The following TAF4B variants were observed in gnomAD, a reference collection of about 807,000 sequenced individuals.
The protein encoded by TAF4B is transcription initiation factor TFIID subunit 4B.
TAF4B carries 38 observed loss-of-function variants against 86.4 expected under a neutral mutation model. The observed-to-expected ratio is 0.44, with a 90% CI of 0.34 to 0.58. TAF4B has a LOEUF of 0.58. Ranked by LOEUF, TAF4B falls within the 20% of genes least tolerant of loss-of-function variation. TAF4B has a pLI of 0.02. For missense variants in TAF4B, 988 were observed against 1,027.6 expected (o/e 0.96, Z 0.53); for synonymous variants, 388 against 391.2 (o/e 0.99, Z 0.10).
rs1362298002 is a variant in TAF4B at position 26,247,903 on chromosome 18, G to A, written c.344-17267G>A. Among the ~76,000 whole-genome samples, 15 of 150,018 alleles carry A rather than the reference G, an allele frequency of 1.0e-4. 1 individual carries two copies. The Admixed American group carries it at 1.0e-3, about 10-fold the overall frequency. On this transcript the variant is annotated intron_variant, in intron 1 of 14. Coordinates refer to ENST00000269142, the MANE Select transcript of TAF4B (RefSeq NM_005640.3). ...AAAAAAGTAAAAAAAATTGAGACAG[G>A]GTCTTGCTGTCACCCAGGCTGGAAT...
intron 1 of TAF4B, among the ~76,000 whole-genome samples, chr18:26,254,483 G>A (rs2056053114): frequency 6.6e-6 from 1 of 152,086 alleles, no homozygotes; most frequent in African/African-American, 2.4e-5. Flanking sequence ...ATCCGGAGCT[G>A]GAACTGAATT....
At chr18:26,284,602 G>A (rs2056487905) in intron 6 of TAF4B, among the ~76,000 whole-genome samples, 2 of 152,300 alleles carry the variant, frequency 1.3e-5, no homozygotes, top group South Asian at 2.1e-4. Flanking sequence ...GCTTGGCTGG[G>A]CGTGGTGGCT....
chr18:26,313,604 A>G (rs983394577), intron 9 of TAF4B, among the ~76,000 whole-genome samples: 1 of 151,484 alleles, frequency 6.6e-6, no homozygotes, highest in African/African-American at 2.4e-5. Context: ...TATACTGTTC[A>G]TGTAAGACCA....
At chr18:26,247,894 T>A (rs1325545196) in intron 1 of TAF4B, among the ~76,000 whole-genome samples, 1 of 150,010 alleles carries the variant, frequency 6.7e-6, no homozygotes, top group Non-Finnish European at 1.5e-5. Context: ...GTAAAAAAAA[T>A]TGAGACAGGG....
chr18:26,274,046 T>C (rs1162259545), intron 3 of TAF4B, among the ~76,000 whole-genome samples: 1 of 152,200 alleles, frequency 6.6e-6, no homozygotes, highest in Non-Finnish European at 1.5e-5. Flanking sequence ...TGTGATTGCT[T>C]GTATGAGGTT....
intron 1 of TAF4B, among the ~76,000 whole-genome samples, chr18:26,257,202 T>G (rs2056097717): frequency 6.6e-6 from 1 of 152,214 alleles, no homozygotes; most frequent in Non-Finnish European, 1.5e-5. Flanking sequence ...TCCGAGCAAT[T>G]GTTGAATTAT....
chr18:26,332,949 C>T (rs747150046), intron 12 of TAF4B, among the ~76,000 whole-genome samples: 1 of 151,950 alleles, frequency 6.6e-6, no homozygotes, highest in Non-Finnish European at 1.5e-5. Context: ...ACCACATGGA[C>T]CATCGTTCTT....
chr18:26,301,871 A>G (rs1208440504), intron 9 of TAF4B, among the ~76,000 whole-genome samples: 3 of 152,104 alleles, frequency 2.0e-5, no homozygotes, highest in Non-Finnish European at 4.4e-5. Context: ...GCCTCTTAGC[A>G]GCTGCTGGCT....
At chr18:26,261,591 C>G (rs1171869905) in intron 1 of TAF4B, among the ~76,000 whole-genome samples, 1 of 152,192 alleles carries the variant, frequency 6.6e-6, no homozygotes, top group East Asian at 1.9e-4. Flanking sequence ...TGTTAGGATC[C>G]ACTCATTGCC....
chr18:26,346,889 A>ATGTGTG (rs1402204315), intron 13 of TAF4B, among the ~76,000 whole-genome samples: 1 of 15,346 alleles, frequency 6.5e-5, no homozygotes, highest in Admixed American at 8.3e-4. Context: ...ATATATATAT[A>ATGTGTG]TATATATATA....
chr18:26,298,565 C>T (rs1052539985), intron 9 of TAF4B, among the ~76,000 whole-genome samples: 3 of 151,612 alleles, frequency 2.0e-5, no homozygotes, highest in Non-Finnish European at 4.4e-5. Flanking sequence ...CAAGGTCTTG[C>T]TCTGTTGCCT....
intron 3 of TAF4B, 42 bp downstream of exon 3, chr18:26,267,665 C>T (rs1452799738): frequency 2.1e-6 from 3 of 1,410,366 alleles, no homozygotes; most frequent in Admixed American, 3.4e-5. Flanking sequence ...GTTCTCTTAA[C>T]TTTTAAAAAA....
At chr18:26,276,711 A>C (rs1025454667) in intron 5 of TAF4B, among the ~76,000 whole-genome samples, 1 of 152,192 alleles carries the variant, frequency 6.6e-6, no homozygotes, top group Non-Finnish European at 1.5e-5. Context: ...TGTCTTTTTA[A>C]AAGTAAACAT....
intron 13 of TAF4B, among the ~76,000 whole-genome samples, chr18:26,335,984 G>A (rs2057087205): frequency 6.6e-6 from 1 of 152,134 alleles, no homozygotes; most frequent in South Asian, 2.1e-4. Flanking sequence ...GAGCTGCTGA[G>A]AACAGAATGA....
chr18:26,331,161 C>T (rs920090787), intron 12 of TAF4B, among the ~76,000 whole-genome samples: 5 of 152,188 alleles, frequency 3.3e-5, no homozygotes, highest in African/African-American at 1.2e-4. Flanking sequence ...GAAAGATGCT[C>T]TTTCTTGAGC....
intron 13 of TAF4B, among the ~76,000 whole-genome samples, chr18:26,355,566 A>G (rs2057282507): frequency 6.6e-6 from 1 of 152,214 alleles, no homozygotes; most frequent in Non-Finnish European, 1.5e-5. Context: ...CATTTTTGTT[A>G]GATTTTTGTG....
At chr18:26,347,622 G>GAT (rs1427306957) in intron 13 of TAF4B, among the ~76,000 whole-genome samples, 2 of 152,134 alleles carry the variant, frequency 1.3e-5, no homozygotes, top group Non-Finnish European at 2.9e-5. Flanking sequence ...CCATTTAAAA[G>GAT]ATACAGACTA....
chr18:26,385,456 T>G (rs1262250767), intron 14 of TAF4B, among the ~76,000 whole-genome samples: 1 of 152,172 alleles, frequency 6.6e-6, no homozygotes, highest in Non-Finnish European at 1.5e-5. Flanking sequence ...TTATGAAGGC[T>G]AACATAATTG....
intron 1 of TAF4B, among the ~76,000 whole-genome samples, chr18:26,245,298 C>T (rs898314376): frequency 1.3e-5 from 2 of 152,130 alleles, no homozygotes; most frequent in African/African-American, 4.8e-5. Flanking sequence ...TTTGTGGTCT[C>T]GCTGACTTCA....
Sources: allele counts gnomAD v4.1 joint callset (sites outside exome capture counted in the v4.1 genomes callset), GRCh38; gene constraint gnomAD v4.1.1; transcripts MANE v1.5; gene names NCBI Gene and HGNC (gene_info 2026-07-23, HGNC 2026-07-21).